Variants in GPN1 observed in about 807,000 individuals in gnomAD.
GPN1 encodes the protein GPN-loop GTPase 1.
A neutral mutation model predicts 55.9 loss-of-function variants in GPN1; 44 were observed. The ratio of observed to expected loss-of-function variants is 0.79; its 90% confidence interval spans 0.62 to 1.01. The LOEUF is 1.01. Ranked by LOEUF, GPN1 falls within the 50% of genes least tolerant of loss-of-function variation. The pLI, the probability that GPN1 is intolerant of heterozygous loss-of-function variation, is 0.00. For missense variants in GPN1, 466 were observed against 462.8 expected (o/e 1.01, Z -0.06); for synonymous variants, 179 against 162.5 (o/e 1.10, Z -0.77).
rs1234972022 is a variant in GPN1, at chr2:27,650,627, A to T, written c.*427A>T. The T allele has an allele frequency of 6.5e-6, 1 of 154,184 alleles. No homozygotes were observed. Among genetic ancestry groups the T allele is most frequent in the African/African-American group, 2.4e-5 (1 of 41,438 alleles). The allele number at this position is 154,184 out of a possible 1,614,324, so 9.6% of individuals were successfully genotyped here. On this transcript the variant is annotated 3_prime_UTR_variant, in exon 14 of 14. Transcript: ENST00000610189. ...TTCTTGCTCTTGACCCTGCACTGTA[A>T]GTTGCCCTTCTATTAGCAGCCAAGG... is the stretch of plus-strand genomic sequence containing the variant.
rs759190290 is a variant in GPN1 at position 27,635,301 on chromosome 2, T to TTTTTTC, written c.524+72_524+73insCTTTTT. The stretch of plus-strand genomic sequence containing the variant: ...AGGCCTTTTTCTCTTCTTCTTCCTC[T>TTTTTTC]TTTTTTTTTTTTTTTGAATCTGGTT... On this transcript the variant is annotated intron_variant, in intron 7 of 13. Coordinates refer to ENST00000610189, the MANE Select transcript of GPN1 (RefSeq NM_007266.4). 41 of 260,652 alleles carry TTTTTTC rather than the reference T, an allele frequency of 1.6e-4. 1 individual carries two copies. In the South Asian group the frequency reaches 2.1e-3, roughly 13 times the overall value. 16.1% of individuals were successfully genotyped at this position (260,652 alleles called of 1,614,324 possible).
intron 3 of GPN1, 43 bp from the exon 4 acceptor site, chr2:27,631,791 A>T (rs1673562510): frequency 8.8e-7 from 1 of 1,135,222 alleles, no homozygotes; most frequent in African/African-American, 1.5e-5. Flanking sequence ...TGAACTTTAT[A>T]ATCTAATCTA....
chr2:27,629,154 A>G lies in GPN1; in HGVS notation c.96A>G (p.Lys32=). 1 of 1,614,190 alleles carries G rather than the reference A, an allele frequency of 6.2e-7. No homozygotes were observed. Among genetic ancestry groups the G allele is most frequent in the East Asian group, 2.2e-5 (1 of 44,872 alleles). ...LLVLGMAGSG[K]TTFVQRLTGH... ...TGTTGGGAATGGCGGGATCCGGGAA[A>G]ACCACTTTTGTACAGGTGACGTACA... Residue 32 remains lysine, a synonymous_variant, in exon 1 of 14, where the codon AAA becomes AAG. Transcript: ENST00000610189.
At chr2:27,632,233 A>T (rs1673583393) in intron 4 of GPN1, among the ~76,000 whole-genome samples, 1 of 152,130 alleles carries the variant, frequency 6.6e-6, no homozygotes. Context: ...ATGATGGGGC[A>T]TTTTACTTGT....
At chr2:27,634,613 A>G (rs1333970148) in intron 5 of GPN1, among the ~76,000 whole-genome samples, 1 of 152,130 alleles carries the variant, frequency 6.6e-6, no homozygotes. Context: ...CCCTGTGATC[A>G]TTTGCAGCAA....
chr2:27,642,628 G>T, intron 12 of GPN1, 109 bp downstream of exon 12: 1 of 686,236 alleles, frequency 1.5e-6, no homozygotes. Flanking sequence ...CCAGGCTGGA[G>T]TCTCGGCTCA....
rs953427697 is a variant in GPN1 at position 27,650,768 on chromosome 2, GAA to G, written c.*573_*574del. On this transcript the variant is annotated 3_prime_UTR_variant, in exon 14 of 14. Transcript: ENST00000610189. The stretch of plus-strand genomic sequence containing the variant: ...CTCATTATAGGACGTCAGGTTTGTT[GAA>G]AAAAGTGGGCAAGACATGATTAATG... The G allele has an allele frequency of 6.5e-6, 1 of 152,708 alleles. No homozygotes were observed. The highest frequency in any genetic ancestry group is 2.4e-5 in the African/African-American group (1 of 41,434). The allele number at this position is 152,708 out of a possible 1,614,324, so 9.5% of individuals were successfully genotyped here. A position where few individuals can be genotyped will look rare whatever the true frequency, so the allele number is the denominator to read the frequency against.
intron 3 of GPN1, chr2:27,631,441 G>A: frequency 2.4e-6 from 1 of 416,652 alleles, no homozygotes; most frequent in Non-Finnish European, 4.3e-6. Flanking sequence ...TGTATGAAAT[G>A]TGTACTCTCT....
rs144220021 is a variant in GPN1 at position 27,647,906 on chromosome 2, G to A, written c.1002G>A (p.Glu334=). The A allele has an allele frequency of 6.7e-5, 108 of 1,613,118 alleles. No individual in the cohort carries two copies. The highest frequency in any genetic ancestry group is 1.7e-5 in the Admixed American group (1 of 60,004). The change falls in exon 13 of 14, where the codon GAG becomes GAA. Residue 334 remains glutamate (E), a synonymous_variant. Coordinates refer to ENST00000610189, the MANE Select transcript of GPN1 (RefSeq NM_007266.4). ...GAGGAACCTTGGATGAAGAGGATGA[G>A]GAAGCAGACAGCGATACTGATGACA... ...LTRGTLDEED[E]EADSDTDDID...
intron 12 of GPN1, among the ~76,000 whole-genome samples, chr2:27,644,723 G>GTT (rs1297764271): frequency 0.011 from 1,154 of 101,688 alleles, 48 homozygotes; most frequent in African/African-American, 0.039. Context: ...TTTTGGTAGT[G>GTT]TTTTTTTTTT....
intron 13 of GPN1, among the ~76,000 whole-genome samples, chr2:27,648,895 C>T (rs933908868): frequency 2.0e-5 from 3 of 151,816 alleles, no homozygotes; most frequent in African/African-American, 7.2e-5. Flanking sequence ...TCTCGGCCTC[C>T]CAAAGTGCTG....
chr2:27,632,599 G>A lies in GPN1; in HGVS notation c.313-34G>A, dbSNP rs199924280. Reference sequence around the variant, plus strand: ...GGCTCTGTGATTTTGTGTTGAAATCGGAATTTGTTGTCATTGACATCTTTT... The same window carrying A: ...GGCTCTGTGATTTTGTGTTGAAATCAGAATTTGTTGTCATTGACATCTTTT... On this transcript the variant is annotated intron_variant, in intron 4 of 13. Transcript: ENST00000610189. 1.2e-4 allele frequency: 176 copies of A among 1,522,198 alleles called. No homozygotes were observed. The African/African-American group carries it at 1.9e-3, about 17-fold the overall frequency. The allele number at this position is 1,522,198 out of a possible 1,614,324, so 94.3% of individuals were successfully genotyped here. A position where few individuals can be genotyped will look rare whatever the true frequency, so the allele number is the denominator to read the frequency against.
At chr2:27,649,265 AAAC>A (rs1344834828) in intron 13 of GPN1, among the ~76,000 whole-genome samples, 33 of 117,874 alleles carry the variant, frequency 2.8e-4, no homozygotes, top group Admixed American at 7.2e-4. Context: ...ACAAACAAAC[AAAC>A]AAAAAAACAC....
At chr2:27,630,573 C>T (rs1223065090) in intron 2 of GPN1, among the ~76,000 whole-genome samples, 1 of 151,850 alleles carries the variant, frequency 6.6e-6, no homozygotes, top group Non-Finnish European at 1.5e-5. Context: ...CTATGTTGCC[C>T]AGGCTGGTCT....
chr2:27,639,977 G>A (rs1253713127), intron 9 of GPN1, 66 bp from the exon 10 acceptor site: 2 of 1,048,496 alleles, frequency 1.9e-6, no homozygotes, highest in Admixed American at 3.6e-5. Flanking sequence ...ATTTAAACAA[G>A]TTAATGTACT....
chr2:27,639,163 A>T (rs1673848501), intron 9 of GPN1, 132 bp downstream of exon 9: 1 of 705,574 alleles, frequency 1.4e-6, no homozygotes, highest in Admixed American at 2.7e-5. Flanking sequence ...ATTGCTTATT[A>T]AAAATTGTGG....
intron 13 of GPN1, among the ~76,000 whole-genome samples, chr2:27,649,745 C>G (rs1674435493): frequency 6.6e-6 from 1 of 152,116 alleles, no homozygotes; most frequent in South Asian, 2.1e-4. Flanking sequence ...TGTGGATGTT[C>G]CACAGTTTGT....
chr2:27,630,065 A>G lies in GPN1; in HGVS notation c.205+113A>G, dbSNP rs542948272. ...CACTTTGGGAGGCCGAGGCAGGTAG[A>G]TCACGAGGTCAGGAGTTCAAGACCA... On this transcript the variant is annotated intron_variant, in intron 2 of 13. Coordinates refer to ENST00000610189, the MANE Select transcript of GPN1 (RefSeq NM_007266.4). 5.8e-6 allele frequency: 4 copies of G among 686,924 alleles called. No individual in the cohort carries two copies. In the South Asian group the frequency reaches 6.1e-5, roughly 10 times the overall value. The allele number at this position is 686,924 out of a possible 1,614,324, so 42.6% of individuals were successfully genotyped here. A position where few individuals can be genotyped will look rare whatever the true frequency, so the allele number is the denominator to read the frequency against.
chr2:27,642,053 TG>T, intron 11 of GPN1: 1 of 160,186 alleles, frequency 6.2e-6, no homozygotes, highest in Non-Finnish European at 1.4e-5. Flanking sequence ...TTTTGTAGGC[TG>T]GGGATGAATA....
Sources: gnomAD v4.1 joint callset for allele counts (sites outside exome capture counted in the v4.1 genomes callset) on GRCh38, gnomAD v4.1.1 for gene constraint, MANE v1.5 for transcripts, NCBI Gene and HGNC (gene_info 2026-07-23, HGNC 2026-07-21) for gene names.